AP3S2: variants seen among roughly 807,000 people sequenced by gnomAD.
The protein encoded by AP3S2 is adaptor related protein complex 3 subunit sigma 2, also known as AP-3 complex subunit sigma-2.
Under a neutral mutation model 23.4 loss-of-function variants are expected in AP3S2, and 22 were observed. The ratio of observed to expected loss-of-function variants is 0.94; its 90% CI spans 0.67 to 1.34. AP3S2 has a LOEUF of 1.34. Ranked by LOEUF, AP3S2 falls within the 40% of genes most tolerant of loss-of-function variation. The probability of loss-of-function intolerance (pLI) is 0.00; values close to 1 mark genes in which losing one functional copy is unlikely to be tolerated. For missense variants in AP3S2, 241 were observed against 236.9 expected (o/e 1.02, Z -0.11); for synonymous variants, 86 against 87.1 (o/e 0.99, Z 0.07).
chr15:89,889,422 G>A, intron 1 of AP3S2: 1 of 333,620 alleles, frequency 3.0e-6, no homozygotes, highest in South Asian at 4.0e-5. Context: ...ACAAGAAAAG[G>A]AACATTGATA....
At chr15:89,875,057 C>T (rs1009443631) in intron 3 of AP3S2, among the ~76,000 whole-genome samples, 4 of 152,136 alleles carry the variant, frequency 2.6e-5, no homozygotes, top group Admixed American at 6.5e-5. Context: ...AAAAAAGCAA[C>T]GGCAGATCCC....
At chr15:89,842,351 G>A (rs79753862) in intron 4 of AP3S2, among the ~76,000 whole-genome samples, 2,493 of 152,284 alleles carry the variant, frequency 0.016, 81 homozygotes, top group African/African-American at 0.057. Context: ...AGAATCTAAG[G>A]TGTTTCTGAA....
At chr15:89,845,975 A>G (rs1376826249) in intron 4 of AP3S2, among the ~76,000 whole-genome samples, 1 of 152,228 alleles carries the variant, frequency 6.6e-6, no homozygotes, top group Non-Finnish European at 1.5e-5. Flanking sequence ...TGGTAATTCA[A>G]CCTAAAAATA....
At chr15:89,844,255 CTTTCTTTCTTTCTT>C (rs759002512) in intron 4 of AP3S2, among the ~76,000 whole-genome samples, 1,431 of 36,264 alleles carry the variant, frequency 0.039, 20 homozygotes, top group Non-Finnish European at 0.063. Flanking sequence ...TTCTTTCTTT[CTTTCTTTCTTTCTT>C]TCTCTCTCTC....
At chr15:89,873,204 G>C (rs1896359829) in intron 3 of AP3S2, among the ~76,000 whole-genome samples, 1 of 151,650 alleles carries the variant, frequency 6.6e-6, no homozygotes, top group African/African-American at 2.4e-5. Context: ...GAATTATTTT[G>C]TTGAGAATTC....
intron 3 of AP3S2, among the ~76,000 whole-genome samples, chr15:89,875,885 C>G (rs1896431592): frequency 6.6e-6 from 1 of 152,076 alleles, no homozygotes; most frequent in East Asian, 1.9e-4. Flanking sequence ...ACAGAGGTTA[C>G]AGTGAGCTGT....
At chr15:89,869,585 A>AG (rs900448957) in intron 4 of AP3S2, among the ~76,000 whole-genome samples, 6 of 141,554 alleles carry the variant, frequency 4.2e-5, no homozygotes, top group Non-Finnish European at 9.3e-5. Flanking sequence ...AAAAAAAAAA[A>AG]AGAAAACTCC....
rs764746116 is a variant in AP3S2 at position 89,830,711 on chromosome 15, C to T, written c.*4804G>A. Reference sequence around the variant, plus strand: ...CCCTGCCCTGGAGGGGCTTACATCCCGGCAGGGTAAACAGCCAGTAACTTC... The same window carrying T: ...CCCTGCCCTGGAGGGGCTTACATCCTGGCAGGGTAAACAGCCAGTAACTTC... On this transcript the variant is annotated 3_prime_UTR_variant, in exon 6 of 6. Coordinates refer to ENST00000336418, the MANE Select transcript of AP3S2 (RefSeq NM_005829.5). 1 of 152,332 alleles carries T rather than the reference C, an allele frequency of 6.6e-6. No homozygotes were observed. Among genetic ancestry groups the T allele is most frequent in the African/African-American group, 2.4e-5 (1 of 41,464 alleles). 9.4% of individuals were successfully genotyped at this position (152,332 alleles called of 1,614,324 possible).
Position 89,888,503 on chromosome 15 carries a change from T to C in AP3S2, c.273+18A>G. 1.2e-6 allele frequency: 2 copies of C among 1,612,114 alleles called. No homozygotes were observed. The highest frequency in any genetic ancestry group is 1.7e-4 in the Middle Eastern group (1 of 6,056). On this transcript the variant is annotated intron_variant, in intron 3 of 5. Coordinates refer to ENST00000336418, the MANE Select transcript of AP3S2 (RefSeq NM_005829.5). ...AAACTCTCTAAAGCTGCTGCCATCA[T>C]TAGCTGACTACACATACCTGGATGA... is the stretch of plus-strand genomic sequence containing the variant.
intron 4 of AP3S2, among the ~76,000 whole-genome samples, chr15:89,855,693 A>T (rs1183203396): frequency 2.6e-4 from 20 of 77,924 alleles, no homozygotes; most frequent in Admixed American, 9.6e-4. Context: ...TACTAAAAAT[A>T]AAAAAAATTA....
At chr15:89,862,565 G>A (rs1172241025) in intron 4 of AP3S2, among the ~76,000 whole-genome samples, 19 of 152,162 alleles carry the variant, frequency 1.2e-4, no homozygotes, top group Admixed American at 1.2e-3. Flanking sequence ...CTAAGAACAA[G>A]ATATAAAGAA....
intron 5 of AP3S2, 96 bp from the exon 6 acceptor site, chr15:89,835,739 A>C: frequency 1.5e-5 from 22 of 1,471,384 alleles, no homozygotes; most frequent in South Asian, 2.8e-5. Flanking sequence ...ACAAAAACAA[A>C]CAAGCAGGAT....
At chr15:89,883,074 G>A (rs1447145375) in intron 3 of AP3S2, among the ~76,000 whole-genome samples, 3 of 152,100 alleles carry the variant, frequency 2.0e-5, no homozygotes, top group Non-Finnish European at 4.4e-5. Context: ...TGGAATCAAT[G>A]TCAAGTATTC....
At chr15:89,871,445 A>G in intron 4 of AP3S2, 30 bp downstream of exon 4, 1 of 1,598,844 alleles carries the variant, frequency 6.3e-7, no homozygotes, top group Non-Finnish European at 8.5e-7. Flanking sequence ...TAGTAACCCT[A>G]GTTTGGAAGA....
chr15:89,859,570 T>G (rs1413527806), intron 4 of AP3S2, among the ~76,000 whole-genome samples: 1 of 151,584 alleles, frequency 6.6e-6, no homozygotes, highest in Admixed American at 6.6e-5. Context: ...AATTTTTGTA[T>G]TTTTAGTAGA....
At position 89,883,405 on chromosome 15, in the gene AP3S2, T is replaced by A. The variant is rs1464121797; in HGVS notation, c.273+5116A>T. ...AGTAAACAATAAAAGATACTCCTTT[T>A]TTTTTTTTGAGACAGAATCTCGCTC... On this transcript the variant is annotated intron_variant, in intron 3 of 5. Coordinates refer to ENST00000336418, the MANE Select transcript of AP3S2 (RefSeq NM_005829.5). 2.6e-5 allele frequency among the ~76,000 whole-genome samples: 4 copies of A among 152,260 alleles called. No homozygotes were observed. The East Asian group carries it at 7.7e-4, about 29-fold the overall frequency.
In AP3S2 at chr15:89,835,282, G is replaced by A; in HGVS notation, c.*233C>T. 9.5e-6 allele frequency: 6 copies of A among 633,904 alleles called. No individual in the cohort carries two copies. The highest frequency in any genetic ancestry group is 1.0e-5 in the Non-Finnish European group (4 of 388,318). 39.3% of individuals were successfully genotyped at this position (633,904 alleles called of 1,614,324 possible). On this transcript the variant is annotated 3_prime_UTR_variant, in exon 6 of 6. Coordinates refer to ENST00000336418, the MANE Select transcript of AP3S2 (RefSeq NM_005829.5). Reference sequence around the variant, plus strand: ...GGCAGGGCCCCTCACATCTGCAGTGGCCGTATGCATCAGAGAACGGCATGA... The same window carrying A: ...GGCAGGGCCCCTCACATCTGCAGTGACCGTATGCATCAGAGAACGGCATGA...
At chr15:89,844,240 TTTCTTTCTTTC>T (rs1164104530) in intron 4 of AP3S2, among the ~76,000 whole-genome samples, 1 of 67,892 alleles carries the variant, frequency 1.5e-5, no homozygotes, top group African/African-American at 5.5e-5. Flanking sequence ...TCTTTCTTTC[TTTCTTTCTTTC>T]TTTCTTTCTT....
intron 4 of AP3S2, among the ~76,000 whole-genome samples, chr15:89,857,150 T>G (rs564147287): frequency 1.5e-4 from 23 of 152,258 alleles, no homozygotes; most frequent in African/African-American, 5.5e-4. Context: ...GGGCTGGGGC[T>G]GGGCACGGTG....
Sources: gnomAD v4.1 joint callset for allele counts (sites outside exome capture counted in the v4.1 genomes callset) on GRCh38, gnomAD v4.1.1 for gene constraint, MANE v1.5 for transcripts, NCBI Gene and HGNC (gene_info 2026-07-23, HGNC 2026-07-21) for gene names.